The following LRRFIP1 variants were observed in gnomAD, a reference collection of about 807,000 sequenced individuals.
The protein encoded by LRRFIP1 is LRR binding FLII interacting protein 1, also known as leucine-rich repeat flightless-interacting protein 1.
A neutral mutation model predicts 104.4 loss-of-function variants in LRRFIP1; 62 were observed. The ratio of observed to expected loss-of-function variants is 0.59; its 90% CI spans 0.48 to 0.73. The LOEUF is 0.73. Among genes scored for constraint, LRRFIP1 ranks in the 30% least tolerant of loss-of-function variants. LRRFIP1 has a pLI of 0.00. For missense variants in LRRFIP1, 796 were observed against 824.5 expected (o/e 0.97, Z 0.42); for synonymous variants, 300 against 299.0 (o/e 1.00, Z -0.03).
rs527720698 is a variant in LRRFIP1, at chr2:237,667,876, G to A, written c.96+40136G>A. 6.7e-4 allele frequency among the ~76,000 whole-genome samples: 102 copies of A among 152,094 alleles called. 1 individual carries two copies. Among genetic ancestry groups the A allele is most frequent in the Middle Eastern group, 3.4e-3 (1 of 294 alleles). On this transcript the variant is annotated intron_variant, in intron 1 of 23. Transcript: ENST00000308482. ...CACTCAGGCTCCGTCAGCCTCTCCC[G>A]GGTTCCTGGGCTTCTCTGCTTGTTT...
At chr2:237,713,722 A>G (rs562588818) in intron 2 of LRRFIP1, among the ~76,000 whole-genome samples, 11 of 152,348 alleles carry the variant, frequency 7.2e-5, no homozygotes, top group South Asian at 2.1e-4. Flanking sequence ...GCAAACGAAT[A>G]TGTCAATGTA....
chr2:237,699,142 A>G (rs1002553069), intron 1 of LRRFIP1, among the ~76,000 whole-genome samples: 12 of 152,292 alleles, frequency 7.9e-5, no homozygotes, highest in Non-Finnish European at 1.8e-4. Flanking sequence ...GTTGCTGTCT[A>G]TGACGTGACA....
rs960337277 is a variant in LRRFIP1 at position 237,711,565 on chromosome 2, C to G, written c.184-2694C>G. On this transcript the variant is annotated intron_variant, in intron 2 of 23. Transcript: ENST00000308482. This position sits in a 1 kb window ranked among gnomAD's most constrained non-coding sequence, Gnocchi z 4.4. ...GGCTTCCTCATCACCGATGCCTGCA[C>G]TTCTTCCCTCACGACCGTGGCTTGC... 3.9e-5 allele frequency among the ~76,000 whole-genome samples: 6 copies of G among 152,240 alleles called. No individual in the cohort carries two copies. Among genetic ancestry groups the G allele is most frequent in the African/African-American group, 1.4e-4 (6 of 41,466 alleles).
chr2:237,637,718 T>C (rs1014306414), intron 1 of LRRFIP1, among the ~76,000 whole-genome samples: 3 of 152,018 alleles, frequency 2.0e-5, no homozygotes, highest in African/African-American at 7.3e-5. Context: ...GCTTGGGGAG[T>C]GAATGAAAAA....
intron 1 of LRRFIP1, among the ~76,000 whole-genome samples, chr2:237,645,375 A>ATCAC (rs1190062259): frequency 7.4e-5 from 11 of 148,768 alleles, no homozygotes; most frequent in Non-Finnish European, 1.5e-4. Context: ...CCTCACTGCC[A>ATCAC]AGATGCTGCT....
At chr2:237,774,579 C>G (rs2060923533) in intron 23 of LRRFIP1, 117 bp downstream of exon 23, 1 of 689,092 alleles carries the variant, frequency 1.5e-6, no homozygotes, top group East Asian at 2.7e-5. Context: ...ATTGTCAGAT[C>G]ATCCCACACC....
At chr2:237,656,473 T>C in intron 1 of LRRFIP1, among the ~76,000 whole-genome samples, 1 of 152,236 alleles carries the variant, frequency 6.6e-6, no homozygotes, top group Non-Finnish European at 1.5e-5. Flanking sequence ...AGTTAACTAG[T>C]ATTTACTGAG....
rs1338292833 is a variant in LRRFIP1 at position 237,627,652 on chromosome 2, T to G, written c.8T>G (p.Met3Arg). 7.4e-7 allele frequency: 1 copy of G among 1,346,328 alleles called. No individual in the cohort carries two copies. The highest frequency in any genetic ancestry group is 9.7e-7 in the Non-Finnish European group (1 of 1,036,060). 83.4% of individuals were successfully genotyped at this position (1,346,328 alleles called of 1,614,324 possible). The change falls in exon 1 of 24, where the codon ATG (methionine) becomes AGG (arginine). Residue 3 changes from methionine (M) to arginine (R), a missense_variant. Coordinates refer to ENST00000308482, the MANE Select transcript of LRRFIP1 (RefSeq NM_001137550.2). MD[M>R]GTQGSGRKRL... ...CTGCGGGCGACGCGGTCGATGGACA[T>G]GGGCACCCAGGGATCGGGGCGCAAG...
At chr2:237,632,018 G>A (rs750481995) in intron 1 of LRRFIP1, among the ~76,000 whole-genome samples, 9 of 152,208 alleles carry the variant, frequency 5.9e-5, no homozygotes, top group South Asian at 2.1e-4. Context: ...CTGCTTCACC[G>A]GCCCCAAGTT....
chr2:237,764,841 T>G (rs1449075220), intron 19 of LRRFIP1: 1 of 985,758 alleles, frequency 1.0e-6, no homozygotes, highest in Non-Finnish European at 1.2e-6. Flanking sequence ...TGTAAGAGAT[T>G]TTAACTTCAC....
chr2:237,686,407 AC>A (rs1375944634), intron 1 of LRRFIP1, among the ~76,000 whole-genome samples: 1 of 152,260 alleles, frequency 6.6e-6, no homozygotes, highest in Non-Finnish European at 1.5e-5. Flanking sequence ...CCCAATTGCT[AC>A]AGAAGTATAA....
rs758785710 is a variant in LRRFIP1 at position 237,758,835 on chromosome 2, C to G, written c.1317+14C>G. Reference sequence around the variant, plus strand: ...GAGGAATTAAAGGTATGAAGCCAAACTACAGTTTTATTTAAAAAAAAAGAA... The same window carrying G: ...GAGGAATTAAAGGTATGAAGCCAAAGTACAGTTTTATTTAAAAAAAAAGAA... On this transcript the variant is annotated intron_variant, in intron 18 of 23. Transcript: ENST00000308482. The G allele has an allele frequency of 1.3e-6, 2 of 1,569,338 alleles. No homozygotes were observed. The highest frequency in any genetic ancestry group is 1.7e-6 in the Non-Finnish European group (2 of 1,159,162).
chr2:237,761,874 T>A (rs1438118081), intron 19 of LRRFIP1, among the ~76,000 whole-genome samples: 1 of 152,198 alleles, frequency 6.6e-6, no homozygotes, highest in Non-Finnish European at 1.5e-5. Context: ...CCAAAACAGT[T>A]TGATGTTCTT....
chr2:237,649,906 T>G lies in LRRFIP1; in HGVS notation c.96+22166T>G, dbSNP rs1179184780. Among the ~76,000 whole-genome samples, 2 of 152,010 alleles carry G rather than the reference T, an allele frequency of 1.3e-5. No homozygotes were observed. Among genetic ancestry groups the G allele is most frequent in the African/African-American group, 4.8e-5 (2 of 41,422 alleles). On this transcript the variant is annotated intron_variant, in intron 1 of 23. Coordinates refer to ENST00000308482, the MANE Select transcript of LRRFIP1 (RefSeq NM_001137550.2). The surrounding 1 kb of genome is among the most constrained non-coding windows in gnomAD (Gnocchi z 4.1). The stretch of plus-strand genomic sequence containing the variant: ...AATATACTGCAGCCTTCGAAAGAGA[T>G]GTAGTCCTCATCTGAAAGGTCATCC...
chr2:237,631,351 G>A (rs1185714918), intron 1 of LRRFIP1, among the ~76,000 whole-genome samples: 1 of 152,234 alleles, frequency 6.6e-6, no homozygotes, highest in South Asian at 2.1e-4. Flanking sequence ...AGCAGGACTC[G>A]TGGTGGGGGC....
intron 1 of LRRFIP1, among the ~76,000 whole-genome samples, chr2:237,650,118 A>G (rs1304746442): frequency 6.6e-6 from 1 of 151,658 alleles, no homozygotes; most frequent in Non-Finnish European, 1.5e-5. Flanking sequence ...TCCAGAGGAA[A>G]TAGGGTGGAG....
At chr2:237,740,869 C>T (rs866096155) in intron 11 of LRRFIP1, among the ~76,000 whole-genome samples, 4 of 152,308 alleles carry the variant, frequency 2.6e-5, no homozygotes, top group Middle Eastern at 6.8e-3. Context: ...TGCAGCATGG[C>T]TTTCCTGTGC....
At chr2:237,714,074 TGTAAA>T (rs1481599065) in intron 2 of LRRFIP1, among the ~76,000 whole-genome samples, 180 bp from the exon 3 acceptor site, 4 of 152,336 alleles carry the variant, frequency 2.6e-5, no homozygotes, top group East Asian at 1.9e-4. Context: ...TAAAATGAAA[TGTAAA>T]GTAAGTGATA....
intron 11 of LRRFIP1, among the ~76,000 whole-genome samples, chr2:237,739,596 G>T (rs2095353951): frequency 6.6e-6 from 1 of 152,170 alleles, no homozygotes; most frequent in Admixed American, 6.5e-5. Context: ...GACTGTTAAT[G>T]CTTTGCTTGA....
Sources: allele counts gnomAD v4.1 joint callset (sites outside exome capture counted in the v4.1 genomes callset), GRCh38; gene constraint gnomAD v4.1.1; non-coding constraint Gnocchi (gnomAD v3.1); transcripts MANE v1.5; gene names NCBI Gene and HGNC (gene_info 2026-07-23, HGNC 2026-07-21).